Variants in CDC42BPA observed in about 807,000 individuals in gnomAD.
CDC42BPA encodes CDC42 binding protein kinase alpha.
Under a neutral mutation model 223.5 loss-of-function variants are expected in CDC42BPA, and 80 were observed. The ratio of observed to expected loss-of-function variants is 0.36; its 90% CI spans 0.30 to 0.43. The LOEUF (loss-of-function observed/expected upper bound fraction) is 0.43, where lower values mean the gene tolerates loss of function less well. Among genes scored for constraint, CDC42BPA ranks in the 20% least tolerant of loss-of-function variants. The pLI, the probability that CDC42BPA is intolerant of heterozygous loss-of-function variation, is 1.00. For missense variants in CDC42BPA, 1,743 were observed against 2,099.9 expected (o/e 0.83, Z 3.32); for synonymous variants, 694 against 718.6 (o/e 0.97, Z 0.55).
intron 2 of CDC42BPA, among the ~76,000 whole-genome samples, chr1:227,218,674 A>G (rs79828285): frequency 0.021 from 3,166 of 152,314 alleles, 124 homozygotes; most frequent in African/African-American, 0.072. Context: ...GAATAGTTAT[A>G]TAAGTACTGA....
At chr1:227,294,910 T>C (rs1222336369) in intron 1 of CDC42BPA, among the ~76,000 whole-genome samples, 2 of 117,902 alleles carry the variant, frequency 1.7e-5, no homozygotes, top group Non-Finnish European at 3.6e-5. Flanking sequence ...TTGCACTAGA[T>C]CACTTTATCA....
chr1:227,181,782 C>T (rs1667982370), intron 5 of CDC42BPA, among the ~76,000 whole-genome samples: 1 of 152,110 alleles, frequency 6.6e-6, no homozygotes, highest in African/African-American at 2.4e-5. Flanking sequence ...TTGAGATGAA[C>T]ATCTGTCCAA....
intron 1 of CDC42BPA, among the ~76,000 whole-genome samples, chr1:227,290,107 A>G (rs936670218): frequency 6.6e-6 from 1 of 152,184 alleles, no homozygotes; most frequent in Admixed American, 6.5e-5. Flanking sequence ...CAAATTAAGT[A>G]GTAAGCCTTC....
intron 27 of CDC42BPA, 94 bp from the exon 28 acceptor site, chr1:227,031,608 A>T (rs1231534318): frequency 1.1e-6 from 1 of 951,096 alleles, no homozygotes; most frequent in African/African-American, 1.6e-5. Context: ...ACTCACCAAT[A>T]AAATAAGCAT....
chr1:227,075,927 TTTAAG>T (rs1679372890), intron 17 of CDC42BPA, among the ~76,000 whole-genome samples: 1 of 152,230 alleles, frequency 6.6e-6, no homozygotes, highest in Non-Finnish European at 1.5e-5. Flanking sequence ...GTAAACTGAC[TTTAAG>T]TTATTTGGAA....
chr1:227,004,312 C>G (rs1429080797), intron 35 of CDC42BPA: 1 of 152,350 alleles, frequency 6.6e-6, no homozygotes, highest in African/African-American at 2.4e-5. Context: ...ATCCCAAGCC[C>G]TCATTGGTTT....
intron 2 of CDC42BPA, among the ~76,000 whole-genome samples, chr1:227,214,520 C>T (rs1477638915): frequency 1.3e-5 from 2 of 152,170 alleles, no homozygotes; most frequent in Admixed American, 1.3e-4. Flanking sequence ...ACTAAGATCT[C>T]TGAAGCGGTG....
At chr1:227,263,247 C>T (rs1407867485) in intron 1 of CDC42BPA, among the ~76,000 whole-genome samples, 1 of 152,044 alleles carries the variant, frequency 6.6e-6, no homozygotes, top group Non-Finnish European at 1.5e-5. Flanking sequence ...AACAAACAAA[C>T]AAAAATCACT....
intron 33 of CDC42BPA, 84 bp from the exon 34 acceptor site, chr1:227,016,281 A>G (rs1666230146): frequency 1.3e-6 from 1 of 757,772 alleles, no homozygotes; most frequent in African/African-American, 1.8e-5. Context: ...AATTTTCTTA[A>G]TAAAAATACA....
chr1:227,241,842 T>G (rs1313655720), intron 2 of CDC42BPA, among the ~76,000 whole-genome samples: 1 of 152,168 alleles, frequency 6.6e-6, no homozygotes, highest in Non-Finnish European at 1.5e-5. Context: ...AAAAAGATTT[T>G]GTGCTCCTTG....
chr1:227,208,056 T>G (rs1673130046), intron 3 of CDC42BPA, among the ~76,000 whole-genome samples: 1 of 86,210 alleles, frequency 1.2e-5, no homozygotes, highest in African/African-American at 4.8e-5. Flanking sequence ...ATGATTGCCA[T>G]TCTAACTGGT....
intron 5 of CDC42BPA, among the ~76,000 whole-genome samples, chr1:227,193,289 T>C (rs1372912601): frequency 2.0e-5 from 3 of 152,058 alleles, no homozygotes; most frequent in Admixed American, 6.6e-5. Flanking sequence ...CTCGATCTCC[T>C]GACCTCGTAA....
intron 29 of CDC42BPA, 38 bp from the exon 30 acceptor site, chr1:227,029,288 T>G: frequency 2.3e-6 from 3 of 1,331,800 alleles, no homozygotes; most frequent in Non-Finnish European, 3.1e-6. Flanking sequence ...AATATAGTTT[T>G]ATTGATTAAT....
intron 5 of CDC42BPA, among the ~76,000 whole-genome samples, chr1:227,176,337 C>T (rs900613740): frequency 6.6e-6 from 1 of 152,136 alleles, no homozygotes; most frequent in Non-Finnish European, 1.5e-5. Context: ...CTTTCTTCTA[C>T]ACCAAGAATT....
rs780318566 is a variant in CDC42BPA, at chr1:227,030,395, A to G, written c.3838+13T>C. The G allele has an allele frequency of 6.5e-7, 1 of 1,537,810 alleles. No individual in the cohort carries two copies. The highest frequency in any genetic ancestry group is 1.4e-5 in the African/African-American group (1 of 71,380). ...ATTTAAAATTACTCCAAAAAAAAAA[A>G]GTTTTCTCTTACCATCTTTGGTGAC... On this transcript the variant is annotated intron_variant, in intron 29 of 36. Coordinates refer to ENST00000366766, the MANE Select transcript of CDC42BPA (RefSeq NM_001394014.1).
chr1:227,215,094 G>T (rs1294125340), intron 2 of CDC42BPA, among the ~76,000 whole-genome samples: 3 of 152,160 alleles, frequency 2.0e-5, no homozygotes, highest in Non-Finnish European at 1.5e-5. Flanking sequence ...ATGAAGGGCT[G>T]CTCCAAACCC....
intron 2 of CDC42BPA, among the ~76,000 whole-genome samples, chr1:227,241,435 A>G (rs1381466944): frequency 1.3e-5 from 2 of 152,172 alleles, no homozygotes; most frequent in African/African-American, 4.8e-5. Flanking sequence ...AAAATTGGAA[A>G]CAAATGTTCA....
At chr1:227,077,051 T>C (rs561072119) in intron 17 of CDC42BPA, among the ~76,000 whole-genome samples, 5 of 152,190 alleles carry the variant, frequency 3.3e-5, no homozygotes, top group Non-Finnish European at 7.4e-5. Flanking sequence ...TCTCAAATGA[T>C]CAATTAGTTA....
chr1:227,060,041 T>TG (rs951832202), intron 21 of CDC42BPA, among the ~76,000 whole-genome samples: 8 of 145,974 alleles, frequency 5.5e-5, no homozygotes, highest in African/African-American at 2.0e-4. Flanking sequence ...TTTTTTTTTT[T>TG]TTTTTTTGAG....
Sources: gnomAD v4.1 joint callset for allele counts (sites outside exome capture counted in the v4.1 genomes callset) on GRCh38, gnomAD v4.1.1 for gene constraint, MANE v1.5 for transcripts, NCBI Gene and HGNC (gene_info 2026-07-23, HGNC 2026-07-21) for gene names.